PRRX1: variants seen among roughly 807,000 people sequenced by gnomAD.
PRRX1 encodes the protein paired related homeobox 1.
PRRX1 carries 8 observed loss-of-function variants against 24.0 expected under a neutral mutation model. The observed-to-expected ratio is 0.33, with a 90% confidence interval of 0.20 to 0.60. The LOEUF is 0.60. PRRX1 is among the 20% of genes least tolerant of loss of function. The pLI is 0.82. For missense variants in PRRX1, 281 were observed against 322.4 expected (o/e 0.87, Z 0.98); for synonymous variants, 160 against 131.7 (o/e 1.22, Z -1.47).
intron 1 of PRRX1, among the ~76,000 whole-genome samples, chr1:170,712,574 C>T (rs2101912249): frequency 6.6e-6 from 1 of 152,286 alleles, no homozygotes; most frequent in Non-Finnish European, 1.5e-5. Flanking sequence ...TTTTTGAGAA[C>T]ACATTATGGT....
intron 1 of PRRX1, among the ~76,000 whole-genome samples, chr1:170,687,090 C>CA (rs1316109734): frequency 1.5e-5 from 2 of 131,158 alleles, no homozygotes; most frequent in African/African-American, 5.6e-5. Flanking sequence ...GAGCTTTTTA[C>CA]AAAAAGGTCA....
chr1:170,665,982 G>A (rs954568055), intron 1 of PRRX1, among the ~76,000 whole-genome samples: 2 of 152,246 alleles, frequency 1.3e-5, no homozygotes, highest in African/African-American at 4.8e-5. Flanking sequence ...AGACAGAGAC[G>A]TTCTCTTTAG....
chr1:170,727,860 A>C (rs1176336994), intron 3 of PRRX1: 3 of 152,182 alleles, frequency 2.0e-5, no homozygotes, highest in Non-Finnish European at 4.4e-5. Context: ...CTCTCCTATA[A>C]GATTTACTAC....
intron 1 of PRRX1, among the ~76,000 whole-genome samples, chr1:170,705,339 T>C (rs1558055188): frequency 6.6e-6 from 1 of 152,186 alleles, no homozygotes; most frequent in Non-Finnish European, 1.5e-5. Flanking sequence ...TGGAGTGCAG[T>C]GGCACAATCA....
chr1:170,682,657 A>G (rs1221929787), intron 1 of PRRX1, among the ~76,000 whole-genome samples: 1 of 152,008 alleles, frequency 6.6e-6, no homozygotes, highest in African/African-American at 2.4e-5. Flanking sequence ...AGTACCTACT[A>G]TGTGCCAGTC....
At chr1:170,711,806 G>A (rs990889170) in intron 1 of PRRX1, among the ~76,000 whole-genome samples, 5 of 152,134 alleles carry the variant, frequency 3.3e-5, no homozygotes, top group African/African-American at 1.2e-4. Flanking sequence ...CAAATACCAG[G>A]CACTTCCAAG....
Position 170,739,052 on chromosome 1 carries a change from G to T in PRRX1, c.*2866G>T. The T allele has an allele frequency of 4.6e-6, 1 of 217,848 alleles. No homozygotes were observed. The highest frequency in any genetic ancestry group is 9.2e-6 in the Non-Finnish European group (1 of 108,328). The allele number at this position is 217,848 out of a possible 1,614,324, so 13.5% of individuals were successfully genotyped here. A position where few individuals can be genotyped will look rare whatever the true frequency, so the allele number is the denominator to read the frequency against. Reference sequence around the variant, plus strand: ...CAAGTTTGGTATGTGATTTGGAAAAGATGCCTTCTGGATCTTAAGCCAGTT... The same window carrying T: ...CAAGTTTGGTATGTGATTTGGAAAATATGCCTTCTGGATCTTAAGCCAGTT... On this transcript the variant is annotated 3_prime_UTR_variant, in exon 4 of 4. Coordinates refer to ENST00000239461, the MANE Select transcript of PRRX1 (RefSeq NM_022716.4).
Position 170,738,116 on chromosome 1 carries a change from A to G in PRRX1, c.*1930A>G, listed in dbSNP as rs1454144596. ...ACAGATTTTTTTAATTTATATTTTCATCCTGACCAGCTTAGTTCTAATAAT... is the reference window on the plus strand; with the variant it reads ...ACAGATTTTTTTAATTTATATTTTCGTCCTGACCAGCTTAGTTCTAATAAT... On this transcript the variant is annotated 3_prime_UTR_variant, in exon 4 of 4. Coordinates refer to ENST00000239461, the MANE Select transcript of PRRX1 (RefSeq NM_022716.4). 9.2e-6 allele frequency: 2 copies of G among 217,794 alleles called. No individual in the cohort carries two copies. The highest frequency in any genetic ancestry group is 1.2e-4 in the Admixed American group (2 of 17,268). 13.5% of individuals were successfully genotyped at this position (217,794 alleles called of 1,614,324 possible).
Position 170,738,534 on chromosome 1 carries a change from T to A in PRRX1, c.*2348T>A, listed in dbSNP as rs3820416. On this transcript the variant is annotated 3_prime_UTR_variant, in exon 4 of 4. Transcript: ENST00000239461. ...CATCCATTTGTCCCATTAGTTGCTG[T>A]GGATTATCAAGTTTTGAAGGAACTG... 13 of 228,344 alleles carry A rather than the reference T, an allele frequency of 5.7e-5. No homozygotes were observed. The highest frequency in any genetic ancestry group is 1.1e-4 in the Non-Finnish European group (13 of 115,114). The allele number at this position is 228,344 out of a possible 1,614,324, so 14.1% of individuals were successfully genotyped here. A position where few individuals can be genotyped will look rare whatever the true frequency, so the allele number is the denominator to read the frequency against.
chr1:170,732,814 T>A (rs531281986), intron 3 of PRRX1, among the ~76,000 whole-genome samples: 3 of 152,268 alleles, frequency 2.0e-5, no homozygotes, highest in Non-Finnish European at 4.4e-5. Context: ...CCTATCAAGC[T>A]CCTAGGGAAT....
chr1:170,721,011 CTG>C (rs1245759372), intron 2 of PRRX1, among the ~76,000 whole-genome samples: 1 of 152,160 alleles, frequency 6.6e-6, no homozygotes, highest in Non-Finnish European at 1.5e-5. Flanking sequence ...GATGAGAAAA[CTG>C]AGACACAGAG....
At chr1:170,719,616 A>T in intron 1 of PRRX1, 110 bp from the exon 2 acceptor site, 1 of 1,245,754 alleles carries the variant, frequency 8.0e-7, no homozygotes, top group Non-Finnish European at 1.1e-6. Flanking sequence ...GACTTTGATA[A>T]AGATGTGAGC....
chr1:170,726,654 T>G (rs763288678), intron 3 of PRRX1: 1 of 469,046 alleles, frequency 2.1e-6, no homozygotes, highest in Non-Finnish European at 3.8e-6. Flanking sequence ...TGCAAAGGTT[T>G]CAAAGATGAG....
intron 1 of PRRX1, among the ~76,000 whole-genome samples, chr1:170,691,498 TTC>T (rs199690070): frequency 1.6e-4 from 22 of 141,380 alleles, no homozygotes; most frequent in African/African-American, 3.5e-4. Context: ...TTCCTTTCCT[TTC>T]CTTTCCTTTC....
chr1:170,729,331 G>A (rs749400182), intron 3 of PRRX1, among the ~76,000 whole-genome samples: 6 of 152,210 alleles, frequency 3.9e-5, no homozygotes, highest in African/African-American at 7.2e-5. Flanking sequence ...TGGACTGATA[G>A]ACGTGGCTTG....
chr1:170,726,632 C>T, intron 3 of PRRX1: 2 of 520,510 alleles, frequency 3.8e-6, no homozygotes, highest in South Asian at 5.5e-5. Context: ...TCCTCTTGGA[C>T]TCAGGAACTC....
At chr1:170,680,244 C>T (rs1237170369) in intron 1 of PRRX1, among the ~76,000 whole-genome samples, 1 of 151,774 alleles carries the variant, frequency 6.6e-6, no homozygotes, top group Non-Finnish European at 1.5e-5. Context: ...GTTCATCTGC[C>T]CTGAATGATA....
intron 1 of PRRX1, among the ~76,000 whole-genome samples, chr1:170,667,048 T>G (rs1223206435): frequency 1.3e-5 from 2 of 152,042 alleles, no homozygotes; most frequent in African/African-American, 4.8e-5. Context: ...GGGGACTGTA[T>G]GTCCCGGGAG....
At chr1:170,710,574 A>C (rs1654713360) in intron 1 of PRRX1, among the ~76,000 whole-genome samples, 1 of 152,194 alleles carries the variant, frequency 6.6e-6, no homozygotes, top group African/African-American at 2.4e-5. Flanking sequence ...TTGTATCTTA[A>C]AGCAGTTGTC....
Sources: gnomAD v4.1 joint callset for allele counts (sites outside exome capture counted in the v4.1 genomes callset) on GRCh38, gnomAD v4.1.1 for gene constraint, MANE v1.5 for transcripts, NCBI Gene and HGNC (gene_info 2026-07-23, HGNC 2026-07-21) for gene names.